The following FILIP1L variants were observed in gnomAD, a reference collection of about 807,000 sequenced individuals.
FILIP1L encodes filamin A interacting protein 1 like, also known as filamin A-interacting protein 1-like.
In FILIP1L, 55 loss-of-function variants were observed where a neutral mutation model predicts 96.6. The observed-to-expected ratio is 0.57, with a 90% CI of 0.46 to 0.71. The LOEUF is 0.71. FILIP1L is among the 30% of genes least tolerant of loss of function. The pLI, the probability that FILIP1L is intolerant of heterozygous loss-of-function variation, is 0.00. For synonymous variants in FILIP1L, 467 were observed against 473.9 expected (o/e 0.99, Z 0.19); for missense variants, 1,304 against 1,321.2 (o/e 0.99, Z 0.20).
At chr3:99,893,285 C>A (rs1576553090) in intron 4 of FILIP1L, among the ~76,000 whole-genome samples, 1 of 151,670 alleles carries the variant, frequency 6.6e-6, no homozygotes, top group African/African-American at 2.4e-5. Flanking sequence ...CCTGTCTCAG[C>A]CTCCTGAGTA....
intron 4 of FILIP1L, among the ~76,000 whole-genome samples, chr3:99,909,717 CATA>C (rs1171747222): frequency 6.6e-6 from 1 of 152,098 alleles, no homozygotes; most frequent in Non-Finnish European, 1.5e-5. Flanking sequence ...TTATTTAACT[CATA>C]ATAACTTAAA....
Position 99,956,969 on chromosome 3 carries a change from A to G in FILIP1L, c.-10-25939T>C, listed in dbSNP as rs376965343. 2.0e-5 allele frequency among the ~76,000 whole-genome samples: 3 copies of G among 152,300 alleles called. No homozygotes were observed. The South Asian group carries it at 6.2e-4, about 32-fold the overall frequency. ...AACCTCTTCTTAAAGAGGTCTTCCTACCTATTTCTGTCCAGGGCTCTAGCT... is the reference window on the plus strand; with the variant it reads ...AACCTCTTCTTAAAGAGGTCTTCCTGCCTATTTCTGTCCAGGGCTCTAGCT... On this transcript the variant is annotated intron_variant, in intron 1 of 5. Coordinates refer to ENST00000477258, the MANE Select transcript of FILIP1L (RefSeq NM_001387850.1).
At chr3:100,002,714 G>A (rs180709031) in intron 1 of FILIP1L, among the ~76,000 whole-genome samples, 31 of 152,276 alleles carry the variant, frequency 2.0e-4, no homozygotes, top group African/African-American at 7.5e-4. Flanking sequence ...ATGTGGAAAC[G>A]GGGCCTGTGG....
intron 4 of FILIP1L, among the ~76,000 whole-genome samples, chr3:99,885,502 TAAACTC>T (rs1395727775): frequency 3.3e-5 from 5 of 152,228 alleles, no homozygotes; most frequent in Admixed American, 6.5e-5. Context: ...ATTTCTTTGT[TAAACTC>T]AAGGATTTAA....
intron 1 of FILIP1L, among the ~76,000 whole-genome samples, chr3:100,057,897 G>T (rs923279510): frequency 6.6e-6 from 1 of 152,088 alleles, no homozygotes; most frequent in African/African-American, 2.4e-5. Context: ...ATTCCTCAAA[G>T]ATCCTGATGA....
At chr3:100,021,362 T>C (rs189725679) in intron 1 of FILIP1L, among the ~76,000 whole-genome samples, 48 of 152,358 alleles carry the variant, frequency 3.2e-4, no homozygotes, top group African/African-American at 1.2e-3. Flanking sequence ...ATTGCTGCCT[T>C]CCAAGTTCAG....
rs962065667 is a variant in FILIP1L, at chr3:100,112,355, T to C, written c.-11+1698A>G. On this transcript the variant is annotated intron_variant, in intron 1 of 5. Transcript: ENST00000477258. ...ATTACATTTAGGTTTTTTGCATCCTTGGACCTGCCTGACTCTCGGCAAGTT... is the reference window on the plus strand; with the variant it reads ...ATTACATTTAGGTTTTTTGCATCCTCGGACCTGCCTGACTCTCGGCAAGTT... Among the ~76,000 whole-genome samples the C allele has an allele frequency of 2.0e-5, 3 of 152,176 alleles. No individual in the cohort carries two copies. In the South Asian group the frequency reaches 6.2e-4, roughly 32 times the overall value.
intron 1 of FILIP1L, among the ~76,000 whole-genome samples, chr3:99,977,262 A>G (rs1708999988): frequency 6.6e-6 from 1 of 152,132 alleles, no homozygotes; most frequent in Non-Finnish European, 1.5e-5. Flanking sequence ...TCATCCCAGG[A>G]GCAGTGGGGA....
At chr3:99,904,950 T>G (rs1380911507) in intron 4 of FILIP1L, among the ~76,000 whole-genome samples, 2 of 152,182 alleles carry the variant, frequency 1.3e-5, no homozygotes, top group African/African-American at 4.8e-5. Flanking sequence ...GGTTTCAGTG[T>G]CTACCATTCT....
intron 1 of FILIP1L, among the ~76,000 whole-genome samples, chr3:99,999,809 C>T (rs1474238426): frequency 2.0e-5 from 3 of 152,194 alleles, no homozygotes; most frequent in African/African-American, 7.2e-5. Flanking sequence ...CCAAACAGTG[C>T]ATCCAGTTAA....
intron 4 of FILIP1L, chr3:99,876,321 C>G (rs1705518811): frequency 1.9e-6 from 1 of 515,586 alleles, no homozygotes; most frequent in South Asian, 8.3e-5. Flanking sequence ...CACCCCAGCT[C>G]CCGCGGATGT....
intron 1 of FILIP1L, among the ~76,000 whole-genome samples, chr3:100,081,060 C>A (rs1160506479): frequency 1.3e-5 from 2 of 152,178 alleles, no homozygotes; most frequent in Non-Finnish European, 2.9e-5. Context: ...TAGACACTCT[C>A]AACAGCCAAT....
In FILIP1L at chr3:99,849,031, G is replaced by A. The variant is rs1191672067; in HGVS notation, c.2645C>T (p.Pro882Leu). 1 of 1,614,092 alleles carries A rather than the reference G, an allele frequency of 6.2e-7. No homozygotes were observed. The highest frequency in any genetic ancestry group is 8.5e-7 in the Non-Finnish European group (1 of 1,180,008). Residue 882 changes from proline (P) to leucine (L), a missense_variant, in exon 5 of 6, where the codon CCC becomes CTC. Transcript: ENST00000477258. Reference protein sequence around the residue: ...HLQNGKMQTKPNANFVQPGDL... With the variant: ...HLQNGKMQTKLNANFVQPGDL... The stretch of plus-strand genomic sequence containing the variant: ...TCCAGGTTGCACAAAGTTGGCATTG[G>A]GTTTAGTTTGCATTTTTCCATTCTG...
intron 1 of FILIP1L, among the ~76,000 whole-genome samples, chr3:99,966,145 TG>T (rs1418011290): frequency 6.6e-6 from 1 of 152,204 alleles, no homozygotes; most frequent in African/African-American, 2.4e-5. Flanking sequence ...GTAAATAAAA[TG>T]TTCACAACTT....
rs1189333676 is a variant in FILIP1L at position 99,850,856 on chromosome 3, G to C, written c.820C>G (p.Leu274Val). Reference sequence around the variant, plus strand: ...TGAACTCTGGCTTCAGCAAGGGCTAGTTTGGTATGTGTTTCCTTTGCATTT... The same window carrying C: ...TGAACTCTGGCTTCAGCAAGGGCTACTTTGGTATGTGTTTCCTTTGCATTT... ...TTNAKETHTK[L>V]ALAEARVQEE... The change falls in exon 5 of 6, where the codon CTA becomes GTA. Residue 274 changes from leucine to valine, a missense_variant. Physicochemically the swap from Leu to Val is conservative, Grantham distance 32. Coordinates refer to ENST00000477258, the MANE Select transcript of FILIP1L (RefSeq NM_001387850.1). 6.2e-7 allele frequency: 1 copy of C among 1,614,154 alleles called. No individual in the cohort carries two copies. Among genetic ancestry groups the C allele is most frequent in the Admixed American group, 1.7e-5 (1 of 60,016 alleles).
intron 1 of FILIP1L, among the ~76,000 whole-genome samples, chr3:99,941,614 G>A (rs1470703981): frequency 6.6e-6 from 1 of 152,134 alleles, no homozygotes; most frequent in Non-Finnish European, 1.5e-5. Context: ...TAATAAGGGA[G>A]ATGAAACAAC....
At position 99,850,945 on chromosome 3, in the gene FILIP1L, TCCA is replaced by T; in HGVS notation, c.728_730del (p.Val243del). 6.2e-7 allele frequency: 1 copy of T among 1,614,210 alleles called. No individual in the cohort carries two copies. The highest frequency in any genetic ancestry group is 8.5e-7 in the Non-Finnish European group (1 of 1,180,020). ...CTGTGCCGTCAGCCTTTGCTGTTCATCCACCACCATCAAAGCAAAAGACTTCAG... is the reference window on the plus strand; with the variant it reads ...CTGTGCCGTCAGCCTTTGCTGTTCATCCACCATCAAAGCAAAAGACTTCAG... On this transcript the variant is annotated inframe_deletion, in exon 5 of 6. Transcript: ENST00000477258.
intron 1 of FILIP1L, among the ~76,000 whole-genome samples, chr3:100,070,418 C>G (rs1374543882): frequency 2.1e-5 from 3 of 139,586 alleles, no homozygotes; most frequent in African/African-American, 7.8e-5. Context: ...TTTGAGTACT[C>G]TGTTTTACTT....
At chr3:100,073,772 T>A (rs1369770414) in intron 1 of FILIP1L, among the ~76,000 whole-genome samples, 1 of 152,186 alleles carries the variant, frequency 6.6e-6, no homozygotes, top group African/African-American at 2.4e-5. Context: ...CAAGATCTCC[T>A]GTTTGATTCC....
Sources: gnomAD v4.1 joint callset for allele counts (sites outside exome capture counted in the v4.1 genomes callset) on GRCh38, gnomAD v4.1.1 for gene constraint, MANE v1.5 for transcripts, NCBI Gene and HGNC (gene_info 2026-07-23, HGNC 2026-07-21) for gene names.